ANGEL1: variants seen among roughly 807,000 people sequenced by gnomAD.
ANGEL1 encodes the protein angel homolog 1.
A neutral mutation model predicts 76.4 loss-of-function variants in ANGEL1; 62 were observed. That is an observed-to-expected ratio of 0.81 (90% CI 0.66 to 1.00). The LOEUF (loss-of-function observed/expected upper bound fraction) is 1.00. Among genes scored for constraint, ANGEL1 ranks in the 50% least tolerant of loss-of-function variants. The probability of loss-of-function intolerance (pLI) is 0.00; values close to 1 mark genes in which losing one functional copy is unlikely to be tolerated. For missense variants in ANGEL1, 737 were observed against 836.7 expected (o/e 0.88, Z 1.47); for synonymous variants, 340 against 331.7 (o/e 1.03, Z -0.27).
In ANGEL1 at chr14:76,803,912, C is replaced by A. The variant is rs145432127; in HGVS notation, c.1381G>T (p.Val461Leu). ...LQYHGMPAWK[V>L]SGQEDFSHQL... ...TGGGAGAAGTCTTCCTGTCCAGATACCTGGGTGGAAAAAGAAGGGTGGGAA... is the reference window on the plus strand; with the variant it reads ...TGGGAGAAGTCTTCCTGTCCAGATAACTGGGTGGAAAAAGAAGGGTGGGAA... Residue 461 changes from valine (V) to leucine (L), a missense_variant and splice_region_variant, in exon 6 of 10, where the codon GTA (valine) becomes TTA (leucine). Val to Leu is a conservative substitution (Grantham distance 32). This residue lies in a region of ANGEL1 where 296 missense variants were observed against 387.2 expected (regional missense o/e 0.76). Coordinates refer to ENST00000251089, the MANE Select transcript of ANGEL1 (RefSeq NM_015305.4). 7 of 1,613,900 alleles carry A rather than the reference C, an allele frequency of 4.3e-6. No homozygotes were observed. In the African/African-American group the frequency reaches 9.4e-5, roughly 22 times the overall value.
Position 76,809,228 on chromosome 14 carries a change from G to A in ANGEL1, c.480C>T (p.Asp160=). 1 of 1,613,288 alleles carries A rather than the reference G, an allele frequency of 6.2e-7. No individual in the cohort carries two copies. The highest frequency in any genetic ancestry group is 1.1e-5 in the South Asian group (1 of 90,964). The change falls in exon 2 of 10, where the codon GAC becomes GAT. Residue 160 remains aspartate (D), a synonymous_variant. Coordinates refer to ENST00000251089, the MANE Select transcript of ANGEL1 (RefSeq NM_015305.4). ...IPMQSEPQYA[D]CAALPVGALA... Reference sequence around the variant, plus strand: ...GGGCACCCACTGGGAGGGCAGCACAGTCTGCATACTGGGGCTCCGACTGCA... The same window carrying A: ...GGGCACCCACTGGGAGGGCAGCACAATCTGCATACTGGGGCTCCGACTGCA...
At chr14:76,798,872 C>T (rs554535596) in intron 7 of ANGEL1, among the ~76,000 whole-genome samples, 2 of 144,882 alleles carry the variant, frequency 1.4e-5, no homozygotes, top group South Asian at 2.3e-4. Flanking sequence ...TGCCTGAACC[C>T]GGGGGCAAAG....
chr14:76,806,829 T>C lies in ANGEL1; in HGVS notation c.967A>G (p.Arg323Gly). 6.2e-7 allele frequency: 1 copy of C among 1,613,546 alleles called. No individual in the cohort carries two copies. The highest frequency in any genetic ancestry group is 8.5e-7 in the Non-Finnish European group (1 of 1,179,758). ...RMMGFTCFYK[R>G]RTGCKTDGCA... ...CCATCGGTTTTACACCCAGTCCTCCTCTTGTAGAAACAGGTAAAGCCTGCA... is the reference window on the plus strand; with the variant it reads ...CCATCGGTTTTACACCCAGTCCTCCCCTTGTAGAAACAGGTAAAGCCTGCA... Residue 323 changes from arginine (R) to glycine (G), a missense_variant, in exon 5 of 10, where the codon AGG (arginine) becomes GGG (glycine). Arg to Gly is a moderately radical substitution (Grantham distance 125). Coordinates refer to ENST00000251089, the MANE Select transcript of ANGEL1 (RefSeq NM_015305.4).
rs1380880464 is a variant in ANGEL1, at chr14:76,787,042, G to A, written c.*2186C>T. The A allele has an allele frequency of 6.6e-6, 1 of 152,210 alleles. No individual in the cohort carries two copies. Among genetic ancestry groups the A allele is most frequent in the Non-Finnish European group, 1.5e-5 (1 of 68,064 alleles). 9.4% of individuals were successfully genotyped at this position (152,210 alleles called of 1,614,324 possible). On this transcript the variant is annotated 3_prime_UTR_variant, in exon 10 of 10. Transcript: ENST00000251089. ...AGGCAGGAGGCTTCACTCAAGCCCT[G>A]TTCCTCCCAGGCCTCACAGCAGTGG...
chr14:76,808,229 T>C, intron 2 of ANGEL1, 81 bp from the exon 3 acceptor site: 1 of 1,220,612 alleles, frequency 8.2e-7, no homozygotes, highest in South Asian at 1.4e-5. Flanking sequence ...GACTCAGTAA[T>C]ATTATGCCTG....
intron 7 of ANGEL1, among the ~76,000 whole-genome samples, chr14:76,793,394 AGG>A (rs2140210332): frequency 6.0e-5 from 2 of 33,584 alleles, no homozygotes; most frequent in Non-Finnish European, 1.1e-4. Context: ...AGGGGAGAGG[AGG>A]GGAGAGGGGA....
intron 7 of ANGEL1, among the ~76,000 whole-genome samples, chr14:76,802,130 C>G (rs1393935470): frequency 6.6e-6 from 1 of 151,990 alleles, no homozygotes; most frequent in Non-Finnish European, 1.5e-5. Flanking sequence ...CGAGATGGTG[C>G]CACTGCACTC....
Position 76,786,678 on chromosome 14 carries a change from T to C in ANGEL1, c.*2550A>G, listed in dbSNP as rs576037694. On this transcript the variant is annotated 3_prime_UTR_variant, in exon 10 of 10. Coordinates refer to ENST00000251089, the MANE Select transcript of ANGEL1 (RefSeq NM_015305.4). ...TGGCTGGTCTTACTACATAGGGAGG[T>C]TGGAAGACAAAAGCACCAACAGAGG... 1 of 150,740 alleles carries C rather than the reference T, an allele frequency of 6.6e-6. No individual in the cohort carries two copies. The highest frequency in any genetic ancestry group is 6.6e-5 in the Admixed American group (1 of 15,100). The allele number at this position is 150,740 out of a possible 1,614,324, so 9.3% of individuals were successfully genotyped here.
rs535178080 is a variant in ANGEL1 at position 76,809,643 on chromosome 14, T to C, written c.65A>G (p.Asp22Gly). Residue 22 changes from aspartate to glycine, a missense_variant and splice_region_variant, in exon 2 of 10, where the codon GAT becomes GGT. This residue lies in a region of ANGEL1 where 441 missense variants were observed against 449.5 expected (regional missense o/e 0.98). Transcript: ENST00000251089. ...PATRLFRALS[D>G]AFFTCRKNVL... Reference sequence around the variant, plus strand: ...ATTTTTTCGACATGTGAAGAAAGCATCTAGGAGGAAAGCCAAAATACCAGG... The same window carrying C: ...ATTTTTTCGACATGTGAAGAAAGCACCTAGGAGGAAAGCCAAAATACCAGG... 5 of 1,610,202 alleles carry C rather than the reference T, an allele frequency of 3.1e-6. No homozygotes were observed. The East Asian group carries it at 8.9e-5, about 29-fold the overall frequency.
At chr14:76,812,527 C>T in intron 1 of ANGEL1, 1 of 1,245,334 alleles carries the variant, frequency 8.0e-7, no homozygotes, top group East Asian at 3.2e-5. Flanking sequence ...GGCCGGACGC[C>T]ATCTGACAAC....
intron 6 of ANGEL1, 90 bp from the exon 7 acceptor site, chr14:76,803,571 T>TAC: frequency 1.4e-6 from 2 of 1,398,222 alleles, no homozygotes; most frequent in South Asian, 2.4e-5. Context: ...CCAGCATAGG[T>TAC]ACACAGAGGA....
intron 7 of ANGEL1, among the ~76,000 whole-genome samples, chr14:76,794,228 G>T (rs1894506566): frequency 6.6e-6 from 1 of 152,054 alleles, no homozygotes; most frequent in Non-Finnish European, 1.5e-5. Context: ...ACACAACCCG[G>T]AATATACTAA....
chr14:76,812,376 A>C, intron 1 of ANGEL1: 3 of 1,042,618 alleles, frequency 2.9e-6, no homozygotes, highest in East Asian at 7.4e-5. Flanking sequence ...CCCGCTGAGA[A>C]TTTGGGCACT....
rs1293998251 is a variant in ANGEL1 at position 76,786,453 on chromosome 14, C to T, written c.*2775G>A. On this transcript the variant is annotated 3_prime_UTR_variant, in exon 10 of 10. Coordinates refer to ENST00000251089, the MANE Select transcript of ANGEL1 (RefSeq NM_015305.4). ...CTGGGATTACAGGTGTGAGCCACCG[C>T]ACCCGGCCGCTAAGTTTTCTTTTTA... is the stretch of plus-strand genomic sequence containing the variant. The T allele has an allele frequency of 6.6e-6, 1 of 152,232 alleles. No individual in the cohort carries two copies. The highest frequency in any genetic ancestry group is 1.5e-5 in the Non-Finnish European group (1 of 68,082). The allele number at this position is 152,232 out of a possible 1,614,324, so 9.4% of individuals were successfully genotyped here. A position where few individuals can be genotyped will look rare whatever the true frequency, so the allele number is the denominator to read the frequency against.
intron 4 of ANGEL1, 74 bp from the exon 5 acceptor site, chr14:76,806,923 G>A: frequency 6.7e-7 from 1 of 1,482,056 alleles, no homozygotes; most frequent in Non-Finnish European, 9.2e-7. Flanking sequence ...AGCACCAGCA[G>A]TCCCAGTGTA....
Position 76,807,967 on chromosome 14 carries a change from A to G in ANGEL1, c.831T>C (p.Tyr277=), listed in dbSNP as rs1336129691. Residue 277 remains tyrosine (Y), a synonymous_variant, in exon 3 of 10, where the codon TAT becomes TAC. Transcript: ENST00000251089. ...ATTCCTGCATGAGGTTCACGAAGCGATAGTTCCAATTGAGGATGTCTGGAT... is the reference window on the plus strand; with the variant it reads ...ATTCCTGCATGAGGTTCACGAAGCGGTAGTTCCAATTGAGGATGTCTGGAT... ...HCHPDILNWN[Y]RFVNLMQEFQ... is the part of the protein sequence containing the mutation. 6.2e-7 allele frequency: 1 copy of G among 1,614,176 alleles called. No homozygotes were observed. The highest frequency in any genetic ancestry group is 2.2e-5 in the East Asian group (1 of 44,878).
At chr14:76,802,833 G>T (rs1162547791) in intron 7 of ANGEL1, among the ~76,000 whole-genome samples, 1 of 152,162 alleles carries the variant, frequency 6.6e-6, no homozygotes, top group Non-Finnish European at 1.5e-5. Flanking sequence ...TTCCTTCTGT[G>T]TTGTGGTTCT....
intron 2 of ANGEL1, among the ~76,000 whole-genome samples, chr14:76,808,561 A>T (rs1340290787): frequency 6.6e-6 from 1 of 152,200 alleles, no homozygotes; most frequent in African/African-American, 2.4e-5. Flanking sequence ...CTGTGGGACT[A>T]GAAACTATGG....
chr14:76,799,906 G>GAA (rs11317631), intron 7 of ANGEL1, among the ~76,000 whole-genome samples: 10 of 119,736 alleles, frequency 8.4e-5, no homozygotes, highest in African/African-American at 9.7e-5. Flanking sequence ...ACTCTGTCAT[G>GAA]AAAAAAAAAA....
Sources: gnomAD v4.1 joint callset for allele counts (sites outside exome capture counted in the v4.1 genomes callset) on GRCh38, gnomAD v4.1.1 for gene constraint, gnomAD v4.1.1 regional missense constraint, MANE v1.5 for transcripts, NCBI Gene and HGNC (gene_info 2026-07-23, HGNC 2026-07-21) for gene names.